Variants in RYK observed in about 807,000 individuals in gnomAD.
The protein encoded by RYK is inactive tyrosine-protein kinase RYK.
A neutral mutation model predicts 70.2 loss-of-function variants in RYK; 21 were observed. The observed-to-expected ratio is 0.30, with a 90% CI of 0.21 to 0.43. The LOEUF (loss-of-function observed/expected upper bound fraction) is 0.43. RYK is among the 20% of genes least tolerant of loss of function. The pLI, the probability that RYK is intolerant of heterozygous loss-of-function variation, is 1.00. For missense variants in RYK, 604 were observed against 753.3 expected, an observed-to-expected ratio of 0.80 and a Z score of 2.32; for synonymous variants, 267 against 278.0, an observed-to-expected ratio of 0.96 and a Z score of 0.39.
At position 134,221,403 on chromosome 3, in the gene RYK, C is replaced by G. The variant is rs182833621; in HGVS notation, c.354+1015G>C. Among the ~76,000 whole-genome samples the G allele has an allele frequency of 7.1e-3, 1,075 of 151,764 alleles. 24 individuals are homozygous for G. In the South Asian group the frequency reaches 0.097, roughly 14 times the overall value. Reference sequence around the variant, plus strand: ...TATTTTTAGTAGAGATGGGGTTTCACCATGTTGGCCAAGATGGTCTCGATC... The same window carrying G: ...TATTTTTAGTAGAGATGGGGTTTCAGCATGTTGGCCAAGATGGTCTCGATC... On this transcript the variant is annotated intron_variant, in intron 2 of 14. Transcript: ENST00000623711.
chr3:134,178,113 C>A, intron 10 of RYK, 40 bp from the exon 11 acceptor site: 2 of 1,440,230 alleles, frequency 1.4e-6, no homozygotes, highest in South Asian at 1.3e-5. Context: ...ACAAAGGAAT[C>A]CAAAATGTTA....
chr3:134,167,140 T>C (rs1355656909), intron 13 of RYK, among the ~76,000 whole-genome samples: 2 of 152,120 alleles, frequency 1.3e-5, no homozygotes, highest in Non-Finnish European at 2.9e-5. Context: ...AATAAAGTTT[T>C]CTATACTTTA....
intron 3 of RYK, among the ~76,000 whole-genome samples, chr3:134,210,690 GTTAAATTGGTGTA>G (rs1242396045): frequency 1.3e-5 from 2 of 152,178 alleles, no homozygotes; most frequent in Non-Finnish European, 2.9e-5. Context: ...CTCAAAAGCA[GTTAAATTGGTGTA>G]AATAATACAC....
chr3:134,231,863 G>A (rs2015065976), intron 1 of RYK, among the ~76,000 whole-genome samples: 1 of 152,078 alleles, frequency 6.6e-6, no homozygotes, highest in South Asian at 2.1e-4. Context: ...CTCATTCACT[G>A]AGGATTCTGG....
At chr3:134,238,482 C>T (rs2015244057) in intron 1 of RYK, among the ~76,000 whole-genome samples, 1 of 152,168 alleles carries the variant, frequency 6.6e-6, no homozygotes, top group Non-Finnish European at 1.5e-5. Flanking sequence ...TTCAGACTGC[C>T]TTCTTTCTGC....
At chr3:134,246,810 A>C (rs1436089034) in intron 1 of RYK, among the ~76,000 whole-genome samples, 1 of 152,118 alleles carries the variant, frequency 6.6e-6, no homozygotes, top group African/African-American at 2.4e-5. Context: ...ACCAAGAAAA[A>C]GGAAGACAGG....
chr3:134,200,701 TG>T (rs2013984721), intron 6 of RYK, among the ~76,000 whole-genome samples: 2 of 152,208 alleles, frequency 1.3e-5, no homozygotes, highest in Non-Finnish European at 2.9e-5. Flanking sequence ...AGAGGAGAAC[TG>T]AGACACACAT....
chr3:134,173,312 A>G (rs2012986028), intron 13 of RYK, among the ~76,000 whole-genome samples: 1 of 152,144 alleles, frequency 6.6e-6, no homozygotes, highest in African/African-American at 2.4e-5. Context: ...TTATATAAGT[A>G]AATTGCTCAT....
intron 5 of RYK, among the ~76,000 whole-genome samples, chr3:134,207,042 A>G (rs1326985562): frequency 2.6e-5 from 4 of 152,152 alleles, no homozygotes; most frequent in South Asian, 4.1e-4. Context: ...ATAAAAATCT[A>G]CTTTGCATAC....
In RYK at chr3:134,168,620, T is replaced by C. The variant is rs1445365114; in HGVS notation, c.1575+6989A>G. ...GGAACATCACACACCGGGGCCTTCG[T>C]AGGGTAGGGGGATGGGGGAGGGATA... On this transcript the variant is annotated intron_variant, in intron 13 of 14. Coordinates refer to ENST00000623711, the MANE Select transcript of RYK (RefSeq NM_002958.4). 8.3e-5 allele frequency among the ~76,000 whole-genome samples: 7 copies of C among 83,972 alleles called. No individual in the cohort carries two copies. In the East Asian group the frequency reaches 2.4e-3, roughly 28 times the overall value. 55.1% of individuals were successfully genotyped at this position (83,972 alleles called of 152,430 possible). A position where few individuals can be genotyped will look rare whatever the true frequency, so the allele number is the denominator to read the frequency against.
rs540605922 is a variant in RYK, at chr3:134,203,499, A to G, written c.644-625T>C. Among the ~76,000 whole-genome samples, 253 of 152,344 alleles carry G rather than the reference A, an allele frequency of 1.7e-3. 1 individual carries two copies. Among genetic ancestry groups the G allele is most frequent in the African/African-American group, 5.9e-3 (247 of 41,582 alleles). Reference sequence around the variant, plus strand: ...ATAATTTCTTCAATAAATAAAATTAATAAAAGGGTTGGTGGTTTCTGATTA... The same window carrying G: ...ATAATTTCTTCAATAAATAAAATTAGTAAAAGGGTTGGTGGTTTCTGATTA... On this transcript the variant is annotated intron_variant, in intron 5 of 14. Coordinates refer to ENST00000623711, the MANE Select transcript of RYK (RefSeq NM_002958.4).
intron 2 of RYK, among the ~76,000 whole-genome samples, chr3:134,216,652 G>C (rs149116366): frequency 2.2e-4 from 33 of 151,846 alleles, no homozygotes; most frequent in African/African-American, 7.7e-4. Context: ...ACTTAGCTGG[G>C]CATGGTAGCG....
chr3:134,175,011 T>G (rs1420929172), intron 13 of RYK, among the ~76,000 whole-genome samples: 1 of 152,214 alleles, frequency 6.6e-6, no homozygotes, highest in Non-Finnish European at 1.5e-5. Context: ...CCTTTAAAAC[T>G]GGGATACCAC....
intron 2 of RYK, among the ~76,000 whole-genome samples, chr3:134,214,496 A>C (rs1485070544): frequency 6.6e-6 from 1 of 152,116 alleles, no homozygotes; most frequent in Non-Finnish European, 1.5e-5. Flanking sequence ...GCCCTAAAGA[A>C]GGCAACATTA....
At position 134,208,186 on chromosome 3, in the gene RYK, G is replaced by A. The variant is rs138084166; in HGVS notation, c.590-661C>T. 4.9e-3 allele frequency among the ~76,000 whole-genome samples: 746 copies of A among 152,316 alleles called. 2 individuals are homozygous for A. The highest frequency in any genetic ancestry group is 0.017 in the African/African-American group (715 of 41,570). ...ATATTAAAGAAAATGGAGAAAGTATGTGACCATTTTGAGTATCAGCTGATC... is the reference window on the plus strand; with the variant it reads ...ATATTAAAGAAAATGGAGAAAGTATATGACCATTTTGAGTATCAGCTGATC... On this transcript the variant is annotated intron_variant, in intron 4 of 14. Coordinates refer to ENST00000623711, the MANE Select transcript of RYK (RefSeq NM_002958.4).
At chr3:134,191,078 G>A (rs938249131) in intron 8 of RYK, among the ~76,000 whole-genome samples, 1 of 152,154 alleles carries the variant, frequency 6.6e-6, no homozygotes, top group East Asian at 1.9e-4. Flanking sequence ...ACATAAGGAG[G>A]ACTCATAAGT....
At chr3:134,185,138 T>C (rs1422312380) in intron 9 of RYK, among the ~76,000 whole-genome samples, 1 of 111,706 alleles carries the variant, frequency 9.0e-6, no homozygotes, top group African/African-American at 3.0e-5. Context: ...CATCTATAAA[T>C]TAATTAATTA....
At chr3:134,201,023 C>T (rs2013996962) in intron 6 of RYK, among the ~76,000 whole-genome samples, 1 of 152,216 alleles carries the variant, frequency 6.6e-6, no homozygotes. Flanking sequence ...CGCATGCAAG[C>T]ATTCAAGGAA....
At chr3:134,205,911 T>G (rs1441352847) in intron 5 of RYK, among the ~76,000 whole-genome samples, 1 of 152,044 alleles carries the variant, frequency 6.6e-6, no homozygotes, top group Admixed American at 6.6e-5. Context: ...CCACAGACTC[T>G]CCATAGGTAC....
Sources: allele counts gnomAD v4.1 joint callset (sites outside exome capture counted in the v4.1 genomes callset), GRCh38; gene constraint gnomAD v4.1.1; transcripts MANE v1.5; gene names NCBI Gene and HGNC (gene_info 2026-07-23, HGNC 2026-07-21).